Variants in ZNF516 observed in about 807,000 individuals in gnomAD.
ZNF516 encodes zinc finger protein 516.
In ZNF516, 19 loss-of-function variants were observed where a neutral mutation model predicts 79.7. The observed-to-expected ratio is 0.24, with a 90% CI of 0.17 to 0.35. The LOEUF is 0.35. ZNF516 is among the 10% of genes least tolerant of loss of function. The pLI is 1.00. For missense variants in ZNF516, 1,678 were observed against 1,679.5 expected (o/e 1.00, Z 0.02); for synonymous variants, 877 against 739.5 (o/e 1.19, Z -3.02).
chr18:76,398,491 T>G (rs1392058344), intron 3 of ZNF516, among the ~76,000 whole-genome samples: 2 of 152,166 alleles, frequency 1.3e-5, no homozygotes, highest in African/African-American at 2.4e-5. Context: ...TTATCAAGAA[T>G]GGTGGCGGGG....
chr18:76,388,276 T>A (rs1006254287), intron 3 of ZNF516: 1 of 152,270 alleles, frequency 6.6e-6, no homozygotes, highest in African/African-American at 2.4e-5. Flanking sequence ...GCTGTCACCC[T>A]GACTCTCCAC....
At chr18:76,436,734 C>A (rs746871915) in intron 3 of ZNF516, among the ~76,000 whole-genome samples, 1 of 152,104 alleles carries the variant, frequency 6.6e-6, no homozygotes, top group African/African-American at 2.4e-5. Context: ...TTCTCCCTTC[C>A]GCTGGCCAAA....
At chr18:76,470,978 T>C (rs1228045652) in intron 1 of ZNF516, among the ~76,000 whole-genome samples, 1 of 152,246 alleles carries the variant, frequency 6.6e-6, no homozygotes, top group East Asian at 1.9e-4. Flanking sequence ...TTCTTTTCTA[T>C]TCCTTTCTCC....
At chr18:76,472,264 A>G (rs1426112523) in intron 1 of ZNF516, among the ~76,000 whole-genome samples, 1 of 152,144 alleles carries the variant, frequency 6.6e-6, no homozygotes, top group Non-Finnish European at 1.5e-5. Context: ...TTCACAGTCA[A>G]GATGATGTGG....
intron 1 of ZNF516, among the ~76,000 whole-genome samples, chr18:76,466,951 C>T (rs1568317296): frequency 1.3e-5 from 2 of 152,202 alleles, no homozygotes; most frequent in Admixed American, 6.5e-5. Context: ...CCTGGTTCTG[C>T]AGCCTCACAG....
At chr18:76,389,347 T>C (rs915089132) in intron 3 of ZNF516, 1 of 151,038 alleles carries the variant, frequency 6.6e-6, no homozygotes, top group Non-Finnish European at 1.5e-5. Context: ...CTGGGTAAGA[T>C]AGGACAAATA....
At chr18:76,404,159 C>A (rs1233890554) in intron 3 of ZNF516, among the ~76,000 whole-genome samples, 1 of 152,238 alleles carries the variant, frequency 6.6e-6, no homozygotes, top group Admixed American at 6.5e-5. Flanking sequence ...CAATCTCAAG[C>A]CCTGGGCAAA....
chr18:76,383,120 T>G lies in ZNF516; in HGVS notation c.1811-2817A>C, dbSNP rs536609742. On this transcript the variant is annotated intron_variant, in intron 3 of 6. Coordinates refer to ENST00000443185, the MANE Select transcript of ZNF516 (RefSeq NM_014643.4). ...TCGAGAGTGAACGGCAAAATGCCTC[T>G]GGAACACACAGACCCTGCACAGAGT... Among the ~76,000 whole-genome samples the G allele has an allele frequency of 9.5e-4, 143 of 151,024 alleles. 1 individual carries two copies. Among genetic ancestry groups the G allele is most frequent in the Middle Eastern group, 7.0e-3 (2 of 286 alleles).
chr18:76,479,064 A>G (rs1271146363), intron 1 of ZNF516, among the ~76,000 whole-genome samples: 3 of 152,118 alleles, frequency 2.0e-5, no homozygotes, highest in African/African-American at 7.2e-5. Flanking sequence ...CCAAAAAAAA[A>G]AAAGATCCAC....
intron 1 of ZNF516, among the ~76,000 whole-genome samples, chr18:76,490,495 G>C (rs1476748859): frequency 1.3e-5 from 2 of 152,180 alleles, no homozygotes; most frequent in African/African-American, 4.8e-5. Context: ...TGCATGCCTA[G>C]CTCTTTTAAG....
intron 3 of ZNF516, among the ~76,000 whole-genome samples, chr18:76,405,239 G>C (rs36074911): frequency 0.021 from 2,853 of 139,006 alleles, 39 homozygotes; most frequent in Non-Finnish European, 0.032. Context: ...GACAGACTGT[G>C]TCTTTTTTGA....
At chr18:76,463,573 C>T (rs1265247362) in intron 1 of ZNF516, among the ~76,000 whole-genome samples, 2 of 152,256 alleles carry the variant, frequency 1.3e-5, no homozygotes, top group South Asian at 2.1e-4. Context: ...AAATGCCAGG[C>T]CCCTGGGTGG....
chr18:76,410,278 G>C (rs1206418432), intron 3 of ZNF516, among the ~76,000 whole-genome samples: 2 of 152,234 alleles, frequency 1.3e-5, no homozygotes, highest in Non-Finnish European at 2.9e-5. Flanking sequence ...TCACAAAATA[G>C]TGGCAAAAGT....
At position 76,360,646 on chromosome 18, in the gene ZNF516, A is replaced by AAATAATATAT. The variant is rs373540251; in HGVS notation, c.*1851_*1852insATATATTATT. Reference sequence around the variant, plus strand: ...AAAAAAATAAGTAAAAAAAAAAAAAAATATATATATATATATATATATATA... The same window carrying AAATAATATAT: ...AAAAAAATAAGTAAAAAAAAAAAAAAAATAATATATATATATATATATATATATATATATA... On this transcript the variant is annotated 3_prime_UTR_variant, in exon 7 of 7. Transcript: ENST00000443185. The AAATAATATAT allele has an allele frequency of 1.4e-5, 1 of 72,494 alleles. No individual in the cohort carries two copies. Among genetic ancestry groups the AAATAATATAT allele is most frequent in the Non-Finnish European group, 2.7e-5 (1 of 36,934 alleles). 4.5% of individuals were successfully genotyped at this position (72,494 alleles called of 1,614,324 possible). A position where few individuals can be genotyped will look rare whatever the true frequency, so the allele number is the denominator to read the frequency against.
At chr18:76,425,544 G>C (rs961584203) in intron 3 of ZNF516, among the ~76,000 whole-genome samples, 2 of 152,214 alleles carry the variant, frequency 1.3e-5, no homozygotes, top group Non-Finnish European at 2.9e-5. Context: ...ACAGGCCACA[G>C]ATCACATGCC....
At chr18:76,456,941 T>A (rs975581495) in intron 2 of ZNF516, among the ~76,000 whole-genome samples, 1 of 152,220 alleles carries the variant, frequency 6.6e-6, no homozygotes, top group Non-Finnish European at 1.5e-5. Flanking sequence ...TATTGTGCTG[T>A]GAGGCTGGGT....
chr18:76,426,165 T>C (rs1599070092), intron 3 of ZNF516, among the ~76,000 whole-genome samples: 1 of 152,264 alleles, frequency 6.6e-6, no homozygotes, highest in Non-Finnish European at 1.5e-5. Flanking sequence ...TGACCCTCGA[T>C]AGAGCTAATC....
rs1176262711 is a variant in ZNF516, at chr18:76,443,137, G to C, written c.-83C>G. 1.4e-6 allele frequency: 2 copies of C among 1,473,208 alleles called. No homozygotes were observed. Among genetic ancestry groups the C allele is most frequent in the Non-Finnish European group, 1.8e-6 (2 of 1,119,190 alleles). The allele number at this position is 1,473,208 out of a possible 1,614,324, so 91.3% of individuals were successfully genotyped here. A position where few individuals can be genotyped will look rare whatever the true frequency, so the allele number is the denominator to read the frequency against. On this transcript the variant is annotated 5_prime_UTR_variant, in exon 3 of 7. Transcript: ENST00000443185. ...GGACCGTCCTATCTCTCCATGGTCA[G>C]AAGAGCCAAAAGACGTGCCTGCTCC...
chr18:76,495,638 T>C (rs3813101), upstream of ZNF516: 71,397 of 880,576 alleles, frequency 0.081, 3,311 homozygotes, highest in Middle Eastern at 0.13. Flanking sequence ...GGTCTAAGGC[T>C]GCTGCAGCCC....
Sources: allele counts gnomAD v4.1 joint callset (sites outside exome capture counted in the v4.1 genomes callset), GRCh38; gene constraint gnomAD v4.1.1; transcripts MANE v1.5; gene names NCBI Gene and HGNC (gene_info 2026-07-23, HGNC 2026-07-21).